Variants in DAAM1 observed in about 807,000 individuals in gnomAD.
DAAM1 encodes dishevelled associated activator of morphogenesis 1.
DAAM1 carries 52 observed loss-of-function variants against 130.0 expected under a neutral mutation model. The ratio of observed to expected loss-of-function variants is 0.40; its 90% CI spans 0.32 to 0.50. The LOEUF (loss-of-function observed/expected upper bound fraction) is 0.50, where lower values mean the gene tolerates loss of function less well. Ranked by LOEUF, DAAM1 falls within the 20% of genes least tolerant of loss-of-function variation. The pLI, the probability that DAAM1 is intolerant of heterozygous loss-of-function variation, is 0.61. For missense variants in DAAM1, 1,134 were observed against 1,303.8 expected (o/e 0.87, Z 2.01); for synonymous variants, 452 against 444.5 (o/e 1.02, Z -0.21).
chr14:59,364,162 C>A (rs10083442), intron 23 of DAAM1, among the ~76,000 whole-genome samples: 36,407 of 152,020 alleles, frequency 0.24, 5,554 homozygotes, highest in African/African-American at 0.44. Context: ...CCAGGGGCAG[C>A]ATCAAATGTG....
intron 2 of DAAM1, among the ~76,000 whole-genome samples, chr14:59,269,382 AAC>A (rs1282498201): frequency 6.6e-6 from 1 of 152,188 alleles, no homozygotes; most frequent in Non-Finnish European, 1.5e-5. Flanking sequence ...GCTTTGAGAA[AAC>A]ACATTGTGTT....
chr14:59,320,414 A>G (rs184706979), intron 4 of DAAM1, 76 bp from the exon 5 acceptor site: 342 of 1,145,660 alleles, frequency 3.0e-4, no homozygotes, highest in Middle Eastern at 6.9e-4. Flanking sequence ...GTGACAAATA[A>G]TCTGTAGGTT....
intron 6 of DAAM1, 56 bp downstream of exon 6, chr14:59,323,281 C>T (rs934128283): frequency 2.1e-5 from 31 of 1,472,208 alleles, no homozygotes; most frequent in African/African-American, 7.1e-5. Flanking sequence ...TGCTCAAACA[C>T]GTGCTTTTCC....
intron 1 of DAAM1, among the ~76,000 whole-genome samples, chr14:59,260,791 A>C (rs1882125876): frequency 6.6e-6 from 1 of 152,238 alleles, no homozygotes; most frequent in African/African-American, 2.4e-5. Context: ...AATTTCAGCT[A>C]TCAGTAGCAG....
In DAAM1 at chr14:59,244,725, G is replaced by GGT. The variant is rs529210462; in HGVS notation, c.-37-18705_-37-18704dup. 2.0e-4 allele frequency among the ~76,000 whole-genome samples: 30 copies of GGT among 152,184 alleles called. 1 individual carries two copies. The highest frequency in any genetic ancestry group is 1.0e-3 in the South Asian group (5 of 4,824). On this transcript the variant is annotated intron_variant, in intron 1 of 24. Coordinates refer to ENST00000360909, the MANE Select transcript of DAAM1 (RefSeq NM_001270520.2). The stretch of plus-strand genomic sequence containing the variant: ...GACAGCTGTGTGAATGTGTACGTGT[G>GGT]GTGTGTGTGTGTATTTAGGTTGGTG...
At chr14:59,280,702 A>G (rs375964002) in intron 2 of DAAM1, among the ~76,000 whole-genome samples, 6 of 152,092 alleles carry the variant, frequency 3.9e-5, no homozygotes, top group African/African-American at 1.2e-4. Flanking sequence ...CACAAAGTAC[A>G]GAGGAGCTAC....
intron 1 of DAAM1, among the ~76,000 whole-genome samples, chr14:59,258,727 C>G (rs974010023): frequency 6.6e-6 from 1 of 152,118 alleles, no homozygotes; most frequent in African/African-American, 2.4e-5. Context: ...AAATGGATGC[C>G]TGTTGGAAAT....
chr14:59,299,524 A>G (rs1387142332), intron 3 of DAAM1, among the ~76,000 whole-genome samples: 1 of 152,118 alleles, frequency 6.6e-6, no homozygotes, highest in Admixed American at 6.6e-5. Flanking sequence ...TTGTTCACCC[A>G]TATGCTGACC....
chr14:59,312,359 C>G (rs1045541302), intron 3 of DAAM1, among the ~76,000 whole-genome samples: 2 of 152,110 alleles, frequency 1.3e-5, no homozygotes, highest in Non-Finnish European at 2.9e-5. Context: ...TAAGTTCTCA[C>G]AAAGATGCTA....
At chr14:59,360,397 A>C (rs1886659470) in intron 21 of DAAM1, among the ~76,000 whole-genome samples, 1 of 152,270 alleles carries the variant, frequency 6.6e-6, no homozygotes, top group African/African-American at 2.4e-5. Flanking sequence ...AACACTGATT[A>C]TACAGAGTAC....
intron 1 of DAAM1, among the ~76,000 whole-genome samples, chr14:59,259,611 C>A (rs1594784689): frequency 6.6e-6 from 1 of 152,164 alleles, no homozygotes; most frequent in East Asian, 1.9e-4. Context: ...ACTGGCCTGG[C>A]TTCTGAGTGG....
intron 3 of DAAM1, among the ~76,000 whole-genome samples, chr14:59,298,080 T>TATTTTAA (rs1884028135): frequency 6.6e-6 from 1 of 152,226 alleles, no homozygotes; most frequent in East Asian, 1.9e-4. Flanking sequence ...TAGTTTTTTC[T>TATTTTAA]GGTTGCAAAA....
chr14:59,319,135 T>C (rs1037050683), intron 4 of DAAM1, among the ~76,000 whole-genome samples: 2 of 152,090 alleles, frequency 1.3e-5, no homozygotes, highest in Admixed American at 1.3e-4. Context: ...CAGGGAGCTT[T>C]GGGAGAATTC....
At chr14:59,263,868 C>T (rs934170041) in intron 2 of DAAM1, 1 of 629,828 alleles carries the variant, frequency 1.6e-6, no homozygotes, top group Non-Finnish European at 2.8e-6. Flanking sequence ...CATCCAAGTG[C>T]TTTGCTTGTG....
In DAAM1 at chr14:59,272,446, C is replaced by T. The variant is rs1594792077; in HGVS notation, c.183+8786C>T. On this transcript the variant is annotated intron_variant, in intron 2 of 24. Coordinates refer to ENST00000360909, the MANE Select transcript of DAAM1 (RefSeq NM_001270520.2). ...ATAAAATTAGCCAGATGTGGTGGCA[C>T]ATGCCTGTAACCCCAGCTACTTAGG... 1.3e-5 allele frequency among the ~76,000 whole-genome samples: 2 copies of T among 152,158 alleles called. 1 individual carries two copies. Among genetic ancestry groups the T allele is most frequent in the East Asian group, 3.9e-4 (2 of 5,172 alleles).
chr14:59,198,565 TC>T (rs933733648), intron 1 of DAAM1, among the ~76,000 whole-genome samples: 1 of 152,142 alleles, frequency 6.6e-6, no homozygotes, highest in African/African-American at 2.4e-5. Flanking sequence ...TACAGCCTGA[TC>T]CGGAAGGAGG....
At chr14:59,207,653 A>G (rs921681713) in intron 1 of DAAM1, among the ~76,000 whole-genome samples, 2 of 152,230 alleles carry the variant, frequency 1.3e-5, no homozygotes, top group Non-Finnish European at 2.9e-5. Context: ...TCCTCGTGTT[A>G]CAATGAAATT....
At chr14:59,255,388 A>ATT (rs965711235) in intron 1 of DAAM1, among the ~76,000 whole-genome samples, 5 of 150,460 alleles carry the variant, frequency 3.3e-5, no homozygotes, top group African/African-American at 1.2e-4. Flanking sequence ...ATATCCCGTG[A>ATT]TTTTTTTTTT....
At chr14:59,258,867 C>T (rs1054672624) in intron 1 of DAAM1, among the ~76,000 whole-genome samples, 1 of 152,162 alleles carries the variant, frequency 6.6e-6, no homozygotes, top group African/African-American at 2.4e-5. Flanking sequence ...ATACAAATTA[C>T]CTGTCAAAGG....
Sources: gnomAD v4.1 joint callset for allele counts (sites outside exome capture counted in the v4.1 genomes callset) on GRCh38, gnomAD v4.1.1 for gene constraint, MANE v1.5 for transcripts, NCBI Gene and HGNC (gene_info 2026-07-23, HGNC 2026-07-21) for gene names.